Variants in CHST11 observed in about 807,000 individuals in gnomAD.
CHST11 encodes the protein C4S-1.
A neutral mutation model predicts 30.4 loss-of-function variants in CHST11; 9 were observed. The observed-to-expected ratio is 0.30, with a 90% CI of 0.18 to 0.52. The LOEUF (loss-of-function observed/expected upper bound fraction) is 0.52, where lower values mean the gene tolerates loss of function less well. CHST11 is among the 20% of genes least tolerant of loss of function. The pLI, the probability that CHST11 is intolerant of heterozygous loss-of-function variation, is 0.97. For synonymous variants in CHST11, 152 were observed against 187.8 expected, an observed-to-expected ratio of 0.81 and a Z score of 1.56; for missense variants, 348 against 460.6, an observed-to-expected ratio of 0.76 and a Z score of 2.24.
intron 2 of CHST11, among the ~76,000 whole-genome samples, chr12:104,646,481 C>T (rs2136078913): frequency 6.6e-6 from 1 of 152,278 alleles, no homozygotes; most frequent in Non-Finnish European, 1.5e-5. Context: ...CCCCTGTAAT[C>T]CCAGCACTTT....
intron 2 of CHST11, among the ~76,000 whole-genome samples, chr12:104,750,293 G>A (rs1031467239): frequency 6.6e-6 from 1 of 151,952 alleles, no homozygotes; most frequent in Non-Finnish European, 1.5e-5. Context: ...ACCCACAGCA[G>A]TGAGCAAGCA....
chr12:104,604,156 C>T (rs2038981589), intron 2 of CHST11, among the ~76,000 whole-genome samples: 1 of 152,224 alleles, frequency 6.6e-6, no homozygotes. Context: ...AGAAGAGATG[C>T]CTGTCCTGGG....
chr12:104,608,030 T>C (rs564964682), intron 2 of CHST11, among the ~76,000 whole-genome samples: 122 of 152,206 alleles, frequency 8.0e-4, no homozygotes, highest in African/African-American at 2.9e-3. Flanking sequence ...CTGGGAGCTT[T>C]TGGGAAATGA....
chr12:104,629,869 A>G (rs997714044), intron 2 of CHST11, among the ~76,000 whole-genome samples: 3 of 152,184 alleles, frequency 2.0e-5, no homozygotes, highest in Non-Finnish European at 4.4e-5. Context: ...CCTATGAAAC[A>G]TCACAGCTTA....
intron 2 of CHST11, among the ~76,000 whole-genome samples, chr12:104,673,108 A>G (rs1345176222): frequency 6.6e-6 from 1 of 152,038 alleles, no homozygotes; most frequent in Non-Finnish European, 1.5e-5. Flanking sequence ...CTCCATGTAC[A>G]CGTTGCTGCC....
chr12:104,527,995 A>G (rs1267341193), intron 1 of CHST11, among the ~76,000 whole-genome samples: 2 of 151,936 alleles, frequency 1.3e-5, no homozygotes, highest in African/African-American at 4.8e-5. Context: ...TGATCCAGTC[A>G]CCTCCCACCA....
chr12:104,559,607 G>T (rs1276750260), intron 1 of CHST11, among the ~76,000 whole-genome samples: 2 of 152,192 alleles, frequency 1.3e-5, no homozygotes, highest in Non-Finnish European at 2.9e-5. Flanking sequence ...GCCGGGCATG[G>T]TGGTGGGCGC....
intron 2 of CHST11, among the ~76,000 whole-genome samples, chr12:104,659,790 A>ACCCCCCCCC (rs36101250): frequency 6.8e-6 from 1 of 146,456 alleles, no homozygotes; most frequent in Non-Finnish European, 1.5e-5. Flanking sequence ...ACATAGTGAG[A>ACCCCCCCCC]CCCCCCCCCG....
chr12:104,534,623 T>C (rs1421925877), intron 1 of CHST11, among the ~76,000 whole-genome samples: 1 of 152,192 alleles, frequency 6.6e-6, no homozygotes, highest in East Asian at 1.9e-4. Flanking sequence ...CACTGTCCTC[T>C]TTAATGTTTC....
At chr12:104,716,537 C>A (rs780020833) in intron 2 of CHST11, among the ~76,000 whole-genome samples, 6 of 152,206 alleles carry the variant, frequency 3.9e-5, no homozygotes, top group African/African-American at 1.4e-4. Context: ...CCATACCTGT[C>A]GTAAATTAGT....
At chr12:104,514,173 G>A (rs560557494) in intron 1 of CHST11, 3 of 983,320 alleles carry the variant, frequency 3.1e-6, no homozygotes, top group Non-Finnish European at 4.9e-6. Flanking sequence ...CCTACTCCAG[G>A]TGGCCACATA....
intron 2 of CHST11, among the ~76,000 whole-genome samples, chr12:104,730,266 T>C (rs1218398059): frequency 1.3e-5 from 2 of 152,244 alleles, no homozygotes; most frequent in Non-Finnish European, 2.9e-5. Context: ...TTAACCTCTC[T>C]GTTCACACGG....
chr12:104,646,932 G>A (rs903976798), intron 2 of CHST11, among the ~76,000 whole-genome samples: 4 of 152,214 alleles, frequency 2.6e-5, no homozygotes, highest in African/African-American at 9.6e-5. Flanking sequence ...GGATACAACA[G>A]TGAGCAAAGC....
chr12:104,542,237 G>C (rs577647369), intron 1 of CHST11, among the ~76,000 whole-genome samples: 1 of 152,348 alleles, frequency 6.6e-6, no homozygotes, highest in East Asian at 1.9e-4. Context: ...ATGTGGTCCA[G>C]AATTCTACTT....
At position 104,679,385 on chromosome 12, in the gene CHST11, C is replaced by T. The variant is rs371075471; in HGVS notation, c.204+77394C>T. Among the ~76,000 whole-genome samples, 28 of 152,260 alleles carry T rather than the reference C, an allele frequency of 1.8e-4. 1 individual carries two copies. The East Asian group carries it at 4.6e-3, about 25-fold the overall frequency. The stretch of plus-strand genomic sequence containing the variant: ...TCTGTAAACCCGTTGGGAGGGTACC[C>T]ACCGAGGCCTGGAACCAATTCAGGC... On this transcript the variant is annotated intron_variant, in intron 2 of 2. Transcript: ENST00000303694.
intron 1 of CHST11, among the ~76,000 whole-genome samples, chr12:104,473,132 A>C (rs1179071649): frequency 2.6e-5 from 4 of 152,228 alleles, no homozygotes; most frequent in African/African-American, 9.6e-5. Flanking sequence ...TTCATTAGAA[A>C]GGCAGTAGTT....
chr12:104,548,524 T>C (rs1439627308), intron 1 of CHST11, among the ~76,000 whole-genome samples: 1 of 152,206 alleles, frequency 6.6e-6, no homozygotes, highest in Non-Finnish European at 1.5e-5. Flanking sequence ...GAAGAAAATT[T>C]ATTATTAAAA....
intron 2 of CHST11, among the ~76,000 whole-genome samples, chr12:104,685,058 A>G (rs2039834131): frequency 6.6e-6 from 1 of 152,154 alleles, no homozygotes; most frequent in Non-Finnish European, 1.5e-5. Context: ...TCCTCCTCTC[A>G]GCTCCCAAGC....
intron 2 of CHST11, among the ~76,000 whole-genome samples, chr12:104,708,305 T>C (rs1428006319): frequency 6.6e-6 from 1 of 152,226 alleles, no homozygotes; most frequent in Non-Finnish European, 1.5e-5. Context: ...GAAATGGGGC[T>C]GATGACAGTC....
Sources: gnomAD v4.1 joint callset for allele counts (sites outside exome capture counted in the v4.1 genomes callset) on GRCh38, gnomAD v4.1.1 for gene constraint, MANE v1.5 for transcripts, NCBI Gene and HGNC (gene_info 2026-07-23, HGNC 2026-07-21) for gene names.